The following DSCAML1 variants were observed in gnomAD, a reference collection of about 807,000 sequenced individuals.
DSCAML1 encodes DS cell adhesion molecule like 1.
Under a neutral mutation model 200.5 loss-of-function variants are expected in DSCAML1, and 38 were observed. The ratio of observed to expected loss-of-function variants is 0.19; its 90% CI spans 0.15 to 0.25. The LOEUF is 0.25. Ranked by LOEUF, DSCAML1 falls within the 10% of genes least tolerant of loss-of-function variation. DSCAML1 has a pLI of 1.00. For missense variants in DSCAML1, 2,223 were observed against 2,858.8 expected, an observed-to-expected ratio of 0.78 and a Z score of 5.07; for synonymous variants, 1,215 against 1,165.0, an observed-to-expected ratio of 1.04 and a Z score of -0.87.
chr11:117,618,307 T>C (rs2051854088), intron 3 of DSCAML1, among the ~76,000 whole-genome samples: 1 of 152,214 alleles, frequency 6.6e-6, no homozygotes, highest in Non-Finnish European at 1.5e-5. Context: ...AAGGCATCCA[T>C]TCCATTTTAA....
intron 3 of DSCAML1, among the ~76,000 whole-genome samples, chr11:117,662,475 G>A (rs1278185589): frequency 2.0e-5 from 3 of 152,250 alleles, no homozygotes; most frequent in African/African-American, 4.8e-5. Flanking sequence ...GTCTCACAGA[G>A]TCGTGAGTTC....
At chr11:117,615,503 G>A (rs1365800086) in intron 3 of DSCAML1, among the ~76,000 whole-genome samples, 1 of 152,154 alleles carries the variant, frequency 6.6e-6, no homozygotes, top group African/African-American at 2.4e-5. Context: ...AGTGCAGGGA[G>A]GGAGTCCCAC....
chr11:117,743,003 T>TCATCCATCCATCCATC (rs60601984), intron 3 of DSCAML1, among the ~76,000 whole-genome samples: 5,625 of 150,976 alleles, frequency 0.037, 118 homozygotes, highest in Non-Finnish European at 0.042. Context: ...CACTCCACTT[T>TCATCCATCCATCCATC]CATCCATCCA....
intron 1 of DSCAML1, among the ~76,000 whole-genome samples, chr11:117,793,607 G>C (rs761905758): frequency 8.5e-5 from 13 of 152,080 alleles, no homozygotes; most frequent in Non-Finnish European, 1.9e-4. Context: ...CTGTGTCTGG[G>C]GGCTCCTAGC....
chr11:117,525,325 G>A (rs1289012146), intron 4 of DSCAML1, among the ~76,000 whole-genome samples: 1 of 152,200 alleles, frequency 6.6e-6, no homozygotes, highest in African/African-American at 2.4e-5. Context: ...AGGAGGAGAG[G>A]ATATGATGGA....
At position 117,776,801 on chromosome 11, in the gene DSCAML1, G is replaced by A; in HGVS notation, c.501C>T (p.Ser167=). 1 of 1,614,116 alleles carries A rather than the reference G, an allele frequency of 6.2e-7. No individual in the cohort carries two copies. The highest frequency in any genetic ancestry group is 1.1e-5 in the South Asian group (1 of 91,074). The change falls in exon 3 of 33, where the codon TCC becomes TCT. Residue 167 remains serine (S), a synonymous_variant. Transcript: ENST00000651296. The stretch of plus-strand genomic sequence containing the variant: ...CGGGACGCTTCTTACCTGGGATGAT[G>A]GAGACTGTGTCTTTCTCCCAAGATA... The part of the protein sequence containing the change: ...SVVSWEKDTV[S]IIPEHRFFIT...
chr11:117,692,924 T>C (rs764428160), intron 3 of DSCAML1, among the ~76,000 whole-genome samples: 10 of 152,188 alleles, frequency 6.6e-5, no homozygotes, highest in Non-Finnish European at 1.3e-4. Context: ...CCTTTCATTT[T>C]CCTGTGTTTC....
intron 32 of DSCAML1, among the ~76,000 whole-genome samples, chr11:117,429,454 A>G (rs1281690210): frequency 6.6e-6 from 1 of 151,912 alleles, no homozygotes; most frequent in Non-Finnish European, 1.5e-5. Flanking sequence ...TCCAGGCTGG[A>G]GTGCAGTGGC....
chr11:117,684,251 G>A (rs1016644881), intron 3 of DSCAML1, among the ~76,000 whole-genome samples: 3 of 151,956 alleles, frequency 2.0e-5, no homozygotes, highest in Non-Finnish European at 4.4e-5. Flanking sequence ...CAGATCACAC[G>A]TGATGTTTTG....
intron 3 of DSCAML1, among the ~76,000 whole-genome samples, chr11:117,657,361 C>G (rs563064560): frequency 3.3e-5 from 5 of 152,154 alleles, no homozygotes; most frequent in African/African-American, 1.2e-4. Flanking sequence ...AGAGTAAGAA[C>G]AGGGAAACAG....
intron 3 of DSCAML1, among the ~76,000 whole-genome samples, chr11:117,670,560 C>T (rs183482020): frequency 3.6e-3 from 544 of 152,212 alleles, no homozygotes; most frequent in Middle Eastern, 6.8e-3. Flanking sequence ...CAGATTCAAA[C>T]TGCCCAAGGA....
Position 117,438,981 on chromosome 11 carries a change from G to A in DSCAML1, c.4147C>T (p.Pro1383Ser). 6.2e-7 allele frequency: 1 copy of A among 1,601,562 alleles called. No individual in the cohort carries two copies. The highest frequency in any genetic ancestry group is 8.5e-7 in the Non-Finnish European group (1 of 1,175,518). The stretch of plus-strand genomic sequence containing the variant: ...ACAGTGAGGCGGGGCTGGTCCGGGG[G>A]AACTGTGAGGGGAAAGCCACCACCC... ...TIIVNLLVQV[P>S]PDQPRLTVSK... Residue 1383 changes from proline (P) to serine (S), a missense_variant and splice_region_variant, in exon 24 of 33, where the codon CCC becomes TCC. Pro to Ser is a moderately conservative substitution (Grantham distance 74). Around this residue, in one of 7 missense-constraint regions of DSCAML1, gnomAD observed 614 missense variants for 739.1 expected, o/e 0.83. Transcript: ENST00000651296.
At chr11:117,491,742 C>T (rs568658717) in intron 11 of DSCAML1, among the ~76,000 whole-genome samples, 9 of 152,294 alleles carry the variant, frequency 5.9e-5, no homozygotes, top group African/African-American at 1.9e-4. Flanking sequence ...CCACTGCACT[C>T]CAGCCTGTAC....
At chr11:117,785,778 T>C (rs1358149213) in intron 1 of DSCAML1, among the ~76,000 whole-genome samples, 5 of 152,188 alleles carry the variant, frequency 3.3e-5, no homozygotes, top group Non-Finnish European at 2.9e-5. Context: ...CAGCACCTTC[T>C]TGTGCCAGGC....
intron 3 of DSCAML1, among the ~76,000 whole-genome samples, chr11:117,718,026 G>A (rs181460067): frequency 6.6e-6 from 1 of 152,182 alleles, no homozygotes. Context: ...CAGCTCAACA[G>A]CTCCCAAGTC....
intron 3 of DSCAML1, among the ~76,000 whole-genome samples, chr11:117,682,912 T>A (rs1433212733): frequency 6.6e-6 from 1 of 152,170 alleles, no homozygotes; most frequent in East Asian, 1.9e-4. Context: ...CCAGGTGACT[T>A]GTCCAAGATC....
intron 23 of DSCAML1, 71 bp downstream of exon 23, chr11:117,439,195 C>G: frequency 6.4e-7 from 1 of 1,573,252 alleles, no homozygotes; most frequent in Non-Finnish European, 8.7e-7. Flanking sequence ...ATGACCCTCT[C>G]GCATGATGGA....
At position 117,780,290 on chromosome 11, in the gene DSCAML1, A is replaced by AGAAAGAC. The variant is rs2055224139; in HGVS notation, c.364+202_364+203insGTCTTTC. Among the ~76,000 whole-genome samples, 1 of 100,128 alleles carries AGAAAGAC rather than the reference A, an allele frequency of 1.0e-5. No individual in the cohort carries two copies. Among genetic ancestry groups the AGAAAGAC allele is most frequent in the Non-Finnish European group, 2.4e-5 (1 of 41,542 alleles). The allele number at this position is 100,128 out of a possible 152,430, so 65.7% of individuals were successfully genotyped here. ...AAAGAAAGAAAGAAAGAAAGAAAGA[A>AGAAAGAC]AGAAAGAAAGAAAGAGAGAAAGGAG... On this transcript the variant is annotated intron_variant, in intron 2 of 32. Coordinates refer to ENST00000651296, the MANE Select transcript of DSCAML1 (RefSeq NM_020693.4). This position sits in a 1 kb window ranked among gnomAD's most constrained non-coding sequence, Gnocchi z 4.8.
chr11:117,617,568 C>T (rs560276081), intron 3 of DSCAML1, among the ~76,000 whole-genome samples: 96 of 152,102 alleles, frequency 6.3e-4, no homozygotes, highest in African/African-American at 2.1e-3. Flanking sequence ...ACAATAATTA[C>T]GCCAAAGACA....
Sources: gnomAD v4.1 joint callset for allele counts (sites outside exome capture counted in the v4.1 genomes callset) on GRCh38, gnomAD v4.1.1 for gene constraint, gnomAD v4.1.1 regional missense constraint, Gnocchi (gnomAD v3.1) non-coding constraint, MANE v1.5 for transcripts, NCBI Gene and HGNC (gene_info 2026-07-23, HGNC 2026-07-21) for gene names.